Variants in PXDN observed in about 807,000 individuals in gnomAD.
PXDN encodes the protein peroxidasin homolog.
A neutral mutation model predicts 140.3 loss-of-function variants in PXDN; 77 were observed. The ratio of observed to expected loss-of-function variants is 0.55; its 90% confidence interval spans 0.46 to 0.66. The LOEUF (loss-of-function observed/expected upper bound fraction) is 0.66, where lower values mean the gene tolerates loss of function less well. Ranked by LOEUF, PXDN falls within the 30% of genes least tolerant of loss-of-function variation. The probability of loss-of-function intolerance (pLI) is 0.00; values close to 1 mark genes in which losing one functional copy is unlikely to be tolerated. For missense variants in PXDN, 1,838 were observed against 2,039.5 expected (o/e 0.90, Z 1.90); for synonymous variants, 911 against 857.4 (o/e 1.06, Z -1.09).
At chr2:1,694,403 G>T (rs550849404) in intron 1 of PXDN, among the ~76,000 whole-genome samples, 1 of 152,208 alleles carries the variant, frequency 6.6e-6, no homozygotes, top group African/African-American at 2.4e-5. Context: ...CTGTGTCACT[G>T]ACAGCAACAG....
At chr2:1,644,295 C>T (rs1472408208) in intron 18 of PXDN, among the ~76,000 whole-genome samples, 7 of 152,082 alleles carry the variant, frequency 4.6e-5, no homozygotes. Flanking sequence ...GAAGCCCAAA[C>T]TCCTCTAAAG....
At chr2:1,663,484 T>C (rs373014446) in intron 12 of PXDN, 121 bp downstream of exon 12, 4 of 1,359,320 alleles carry the variant, frequency 2.9e-6, no homozygotes, top group Non-Finnish European at 4.0e-6. Flanking sequence ...GTGCACAAAA[T>C]GCAGAGAGAA....
intron 1 of PXDN, among the ~76,000 whole-genome samples, chr2:1,701,917 T>A (rs1182829562): frequency 6.6e-6 from 1 of 152,050 alleles, no homozygotes; most frequent in Admixed American, 6.5e-5. Context: ...CGGGTGGCCC[T>A]CAGCAGACAC....
At chr2:1,712,049 G>A (rs911092680) in intron 1 of PXDN, among the ~76,000 whole-genome samples, 1 of 151,090 alleles carries the variant, frequency 6.6e-6, no homozygotes, top group Non-Finnish European at 1.5e-5. Flanking sequence ...AAATGTTGAG[G>A]AATATATATT....
At chr2:1,706,524 G>C (rs12614020) in intron 1 of PXDN, among the ~76,000 whole-genome samples, 2,634 of 121,698 alleles carry the variant, frequency 0.022, 55 homozygotes, top group African/African-American at 0.041. Flanking sequence ...GCACGCTTCA[G>C]TGTTCACCAA....
intron 4 of PXDN, among the ~76,000 whole-genome samples, chr2:1,684,598 A>T (rs1368910915): frequency 6.6e-6 from 1 of 152,246 alleles, no homozygotes; most frequent in Non-Finnish European, 1.5e-5. Flanking sequence ...ACTTTGACAC[A>T]GAGTATATTA....
At chr2:1,724,332 A>G (rs1043046017) in intron 1 of PXDN, among the ~76,000 whole-genome samples, 13 of 125,932 alleles carry the variant, frequency 1.0e-4, no homozygotes, top group African/African-American at 3.2e-4. Flanking sequence ...TTTTTTGGTC[A>G]GAAAGCAATA....
At position 1,691,945 on chromosome 2, in the gene PXDN, C is replaced by A. The variant is rs779363910; in HGVS notation, c.327G>T (p.Leu109Phe). ...TAACTTACAGATATTTTAAATTTTC[C>A]AAGTCTTCAAATGCTCCACTAGGTA... ...KRIPSGAFED[L>F]ENLKYLYLYK... Residue 109 changes from leucine (L) to phenylalanine (F), a missense_variant, in exon 3 of 23, where the codon TTG becomes TTT. Physicochemically the swap from Leu to Phe is conservative, Grantham distance 22. Around this residue, in one of 5 missense-constraint regions of PXDN, gnomAD observed 231 missense variants for 201.5 expected, o/e 1.15. Coordinates refer to ENST00000252804, the MANE Select transcript of PXDN (RefSeq NM_012293.3). The A allele has an allele frequency of 6.6e-7, 1 of 1,511,066 alleles. No homozygotes were observed. The highest frequency in any genetic ancestry group is 1.4e-5 in the African/African-American group (1 of 71,674). 93.6% of individuals were successfully genotyped at this position (1,511,066 alleles called of 1,614,324 possible).
intron 1 of PXDN, among the ~76,000 whole-genome samples, chr2:1,710,565 C>CAGCACCCTCTCCACT (rs1684730397): frequency 1.6e-5 from 2 of 127,440 alleles, no homozygotes; most frequent in South Asian, 2.7e-4. Flanking sequence ...CACTCTCCAC[C>CAGCACCCTCTCCACT]AGCACCCTCT....
At chr2:1,713,063 A>G (rs560376419) in intron 1 of PXDN, among the ~76,000 whole-genome samples, 227 of 152,038 alleles carry the variant, frequency 1.5e-3, no homozygotes, top group African/African-American at 5.1e-3. Flanking sequence ...TAAAAAGAAT[A>G]CTCCTTTAAT....
In PXDN at chr2:1,699,212, AC is replaced by A. The variant is rs550207499; in HGVS notation, c.201-6079del. Among the ~76,000 whole-genome samples the A allele has an allele frequency of 8.5e-3, 1,298 of 152,332 alleles. 8 individuals carry two copies. The highest frequency in any genetic ancestry group is 0.014 in the Non-Finnish European group (954 of 68,024). ...GACTTTTGCCATTAGATTCCCTTTCACAGTAAACTAAAATGCACAGACCACT... is the reference window on the plus strand; with the variant it reads ...GACTTTTGCCATTAGATTCCCTTTCAAGTAAACTAAAATGCACAGACCACT... On this transcript the variant is annotated intron_variant, in intron 1 of 22. Coordinates refer to ENST00000252804, the MANE Select transcript of PXDN (RefSeq NM_012293.3).
At chr2:1,640,638 TC>T (rs1410177193) in intron 19 of PXDN, among the ~76,000 whole-genome samples, 1 of 152,122 alleles carries the variant, frequency 6.6e-6, no homozygotes, top group Non-Finnish European at 1.5e-5. Context: ...ACAAATCGTC[TC>T]AGGAGCAGAG....
At chr2:1,637,820 C>T (rs551382150) in intron 21 of PXDN, among the ~76,000 whole-genome samples, 2 of 148,216 alleles carry the variant, frequency 1.3e-5, no homozygotes, top group African/African-American at 5.0e-5. Context: ...CTCTAGGCTG[C>T]GGAGGGAGGA....
chr2:1,658,147 G>T (rs1244073702), intron 14 of PXDN, among the ~76,000 whole-genome samples: 1 of 147,056 alleles, frequency 6.8e-6, no homozygotes, highest in Non-Finnish European at 1.5e-5. Flanking sequence ...ATTCTGCCTT[G>T]CCCGCCCGGC....
intron 4 of PXDN, among the ~76,000 whole-genome samples, chr2:1,686,698 T>C (rs1351828884): frequency 6.6e-6 from 1 of 152,154 alleles, no homozygotes; most frequent in Admixed American, 6.5e-5. Context: ...ACCCACGCCC[T>C]GTCCACGCTC....
At chr2:1,654,371 G>T in intron 15 of PXDN, 29 bp downstream of exon 15, 1 of 1,507,466 alleles carries the variant, frequency 6.6e-7, no homozygotes, top group Non-Finnish European at 9.2e-7. Context: ...AGTGATTTGA[G>T]GGTCAGCGTG....
At chr2:1,658,107 C>A (rs1289413379) in intron 14 of PXDN, among the ~76,000 whole-genome samples, 1 of 140,750 alleles carries the variant, frequency 7.1e-6, no homozygotes. Flanking sequence ...ACAGTGTCTG[C>A]GTGCGTCCAC....
At chr2:1,699,334 A>T (rs1410016620) in intron 1 of PXDN, among the ~76,000 whole-genome samples, 1 of 152,230 alleles carries the variant, frequency 6.6e-6, no homozygotes, top group Non-Finnish European at 1.5e-5. Flanking sequence ...CTTCCATAAT[A>T]CTGATTTTTA....
chr2:1,680,095 G>T, intron 7 of PXDN, 98 bp downstream of exon 7: 5 of 1,206,370 alleles, frequency 4.1e-6, no homozygotes, highest in Non-Finnish European at 5.6e-6. Context: ...GTGTGTGTGT[G>T]GTGTGTGGAT....
Sources: gnomAD v4.1 joint callset for allele counts (sites outside exome capture counted in the v4.1 genomes callset) on GRCh38, gnomAD v4.1.1 for gene constraint, gnomAD v4.1.1 regional missense constraint, MANE v1.5 for transcripts, NCBI Gene and HGNC (gene_info 2026-07-23, HGNC 2026-07-21) for gene names.